USP40: variants seen among roughly 807,000 people sequenced by gnomAD.
USP40 encodes the protein ubiquitin carboxyl-terminal hydrolase 40.
Under a neutral mutation model 166.2 loss-of-function variants are expected in USP40, and 143 were observed. The observed-to-expected ratio is 0.86, with a 90% CI of 0.75 to 0.99. The LOEUF is 0.99. USP40 is among the 50% of genes least tolerant of loss of function. The pLI is 0.00. For missense variants in USP40, 1,444 were observed against 1,479.7 expected (o/e 0.98, Z 0.40); for synonymous variants, 498 against 524.0 (o/e 0.95, Z 0.68).
At chr2:233,477,730 G>T (rs771056015) in intron 31 of USP40, among the ~76,000 whole-genome samples, 2 of 152,246 alleles carry the variant, frequency 1.3e-5, no homozygotes, top group Non-Finnish European at 2.9e-5. Context: ...GCACGGCATG[G>T]TTCAGGCTCT....
chr2:233,532,478 G>T (rs562721269), intron 11 of USP40, among the ~76,000 whole-genome samples: 77 of 152,278 alleles, frequency 5.1e-4, no homozygotes, highest in African/African-American at 1.8e-3. Context: ...AACTTCTAGG[G>T]GATATTTGGA....
intron 13 of USP40, among the ~76,000 whole-genome samples, chr2:233,525,778 GA>G (rs1372365982): frequency 7.9e-5 from 12 of 152,156 alleles, no homozygotes; most frequent in African/African-American, 2.4e-4. Flanking sequence ...CCTGAGTGAA[GA>G]ATTCTGGCCT....
At chr2:233,485,425 A>AT in intron 30 of USP40, 106 bp downstream of exon 30, 4 of 908,850 alleles carry the variant, frequency 4.4e-6, no homozygotes, top group Non-Finnish European at 1.7e-6. Flanking sequence ...AACAATTTGT[A>AT]TAAAATGGGA....
chr2:233,505,574 T>C (rs188024918), intron 21 of USP40, among the ~76,000 whole-genome samples: 9 of 152,006 alleles, frequency 5.9e-5, no homozygotes, highest in Non-Finnish European at 1.3e-4. Context: ...TTTAAAAACA[T>C]AGAAGAAATG....
At chr2:233,564,376 G>A (rs1310295308) in intron 2 of USP40, among the ~76,000 whole-genome samples, 3 of 152,104 alleles carry the variant, frequency 2.0e-5, no homozygotes, top group Non-Finnish European at 2.9e-5. Context: ...CCCCAGTCAG[G>A]GCCAGGTGAA....
intron 21 of USP40, among the ~76,000 whole-genome samples, chr2:233,502,629 GAGACCAA>G (rs1444761421): frequency 6.6e-6 from 1 of 152,040 alleles, no homozygotes. Flanking sequence ...CCTCCCCAGA[GAGACCAA>G]CACACAGCTA....
In USP40 at chr2:233,559,828, C is replaced by G. The variant is rs1375333392; in HGVS notation, c.364G>C (p.Gly122Arg). The G allele has an allele frequency of 4.4e-6, 7 of 1,608,738 alleles. No homozygotes were observed. Among genetic ancestry groups the G allele is most frequent in the Non-Finnish European group, 5.9e-6 (7 of 1,177,710 alleles). ...ASTADLTDSF[G>R]WTSNEEMRQH... is the part of the protein sequence containing the mutation. ...CCTCGTACCTCATTACTGGTCCACC[C>G]AAAGCTGTCAGTGAGGTCTGCTGTG... Residue 122 changes from glycine to arginine, a missense_variant, in exon 4 of 32, where the codon GGG becomes CGG. By Grantham distance (125) the Gly-to-Arg change is moderately radical (BLOSUM62 -2). Coordinates refer to ENST00000678225, the MANE Select transcript of USP40 (RefSeq NM_001365479.2).
chr2:233,555,205 T>A (rs948771525), intron 5 of USP40, among the ~76,000 whole-genome samples: 5 of 151,986 alleles, frequency 3.3e-5, no homozygotes, highest in Admixed American at 6.6e-5. Flanking sequence ...AAAAAAGAAT[T>A]ACGTTAAGCT....
intron 26 of USP40, among the ~76,000 whole-genome samples, chr2:233,490,470 C>G (rs1332525224): frequency 2.0e-5 from 3 of 152,122 alleles, no homozygotes; most frequent in African/African-American, 7.2e-5. Context: ...CCACACCCAG[C>G]CAACATATGC....
Position 233,524,481 on chromosome 2 carries a change from A to T in USP40, c.1881+11T>A, listed in dbSNP as rs2067878700. 2 of 1,591,574 alleles carry T rather than the reference A, an allele frequency of 1.3e-6. No homozygotes were observed. Among genetic ancestry groups the T allele is most frequent in the Non-Finnish European group, 1.7e-6 (2 of 1,167,732 alleles). On this transcript the variant is annotated intron_variant, in intron 15 of 31. Transcript: ENST00000678225. ...AATTATCACGAATATTTCTTCAGTA[A>T]TTTTTTTTACCTCCACCCCATTCCA...
chr2:233,514,159 G>A (rs1004888566), intron 18 of USP40, among the ~76,000 whole-genome samples: 1 of 152,190 alleles, frequency 6.6e-6, no homozygotes, highest in African/African-American at 2.4e-5. Context: ...CTAGAAACTG[G>A]AAATACAGTG....
chr2:233,516,317 G>A (rs954450592), intron 18 of USP40, among the ~76,000 whole-genome samples: 5 of 151,984 alleles, frequency 3.3e-5, no homozygotes, highest in African/African-American at 4.8e-5. Context: ...GAGTCAGCTT[G>A]TCAATTTCTT....
intron 1 of USP40, among the ~76,000 whole-genome samples, chr2:233,566,438 T>C (rs945842012): frequency 6.6e-6 from 1 of 152,236 alleles, no homozygotes; most frequent in Non-Finnish European, 1.5e-5. Flanking sequence ...CTCGAGCTCG[T>C]TGTCTGCATT....
At chr2:233,494,915 C>CATTTATTTAT (rs1265219527) in intron 24 of USP40, among the ~76,000 whole-genome samples, 1 of 11,370 alleles carries the variant, frequency 8.8e-5, no homozygotes, top group African/African-American at 3.0e-4. Flanking sequence ...AGCAAAATGG[C>CATTTATTTAT]ATATATATAT....
intron 3 of USP40, among the ~76,000 whole-genome samples, 160 bp downstream of exon 3, chr2:233,562,576 G>A (rs28827021): frequency 7.3e-6 from 1 of 136,930 alleles, no homozygotes; most frequent in South Asian, 2.8e-4. Context: ...GGGTTGGGGG[G>A]AGGGGGGAGG....
rs2064572903 is a variant in USP40, at chr2:233,481,315, T to C, written c.3505-18A>G. ...AGGAGATTCTACATTTCAAAAGAAG[T>C]AATGAGCAGTGTTTTCTGACATCTT... On this transcript the variant is annotated intron_variant, in intron 30 of 31. Transcript: ENST00000678225. 1 of 1,573,460 alleles carries C rather than the reference T, an allele frequency of 6.4e-7. No individual in the cohort carries two copies. Among genetic ancestry groups the C allele is most frequent in the African/African-American group, 1.3e-5 (1 of 74,210 alleles).
chr2:233,489,446 G>A lies in USP40; in HGVS notation c.3050C>T (p.Pro1017Leu), dbSNP rs370186522. Residue 1017 changes from proline (P) to leucine (L), a missense_variant, in exon 27 of 32, where the codon CCG (proline) becomes CTG (leucine). Transcript: ENST00000678225. Reference protein sequence around the residue: ...TLPPFLEFGVPSPAHLRAWTV... With the variant: ...TLPPFLEFGVLSPAHLRAWTV... ...CCAGGCTCTGAGGTGGGCTGGGGACGGGACACCGAACTCCAGGAAAGGAGG... is the reference window on the plus strand; with the variant it reads ...CCAGGCTCTGAGGTGGGCTGGGGACAGGACACCGAACTCCAGGAAAGGAGG... The A allele has an allele frequency of 6.5e-5, 105 of 1,607,554 alleles. No individual in the cohort carries two copies. The highest frequency in any genetic ancestry group is 3.3e-4 in the Middle Eastern group (2 of 6,078).
At position 233,477,918 on chromosome 2, in the gene USP40, G is replaced by A. The variant is rs1020492133; in HGVS notation, c.3600-415C>T. Among the ~76,000 whole-genome samples the A allele has an allele frequency of 4.6e-5, 7 of 152,236 alleles. No individual in the cohort carries two copies. The East Asian group carries it at 1.2e-3, about 25-fold the overall frequency. ...TGCCTCTGCCCCTTCAGTCTTGCCC[G>A]GAGAGACAGGCCACTTGGCATCCCA... On this transcript the variant is annotated intron_variant, in intron 31 of 31. Coordinates refer to ENST00000678225, the MANE Select transcript of USP40 (RefSeq NM_001365479.2).
At position 233,562,912 on chromosome 2, in the gene USP40, T is replaced by C. The variant is rs1439120693; in HGVS notation, c.200-109A>G. 5.3e-6 allele frequency: 4 copies of C among 749,766 alleles called. No individual in the cohort carries two copies. In the Admixed American group the frequency reaches 9.4e-5, roughly 18 times the overall value. 46.4% of individuals were successfully genotyped at this position (749,766 alleles called of 1,614,324 possible). A position where few individuals can be genotyped will look rare whatever the true frequency, so the allele number is the denominator to read the frequency against. ...GTAAAATCAAGTAGATTCAGAAATA[T>C]GATTGTGGCAATATTTATACCTTAC... On this transcript the variant is annotated intron_variant, in intron 2 of 31. Transcript: ENST00000678225.
Sources: allele counts gnomAD v4.1 joint callset (sites outside exome capture counted in the v4.1 genomes callset), GRCh38; gene constraint gnomAD v4.1.1; transcripts MANE v1.5; gene names NCBI Gene and HGNC (gene_info 2026-07-23, HGNC 2026-07-21).